Variants in THBS2 observed in about 807,000 individuals in gnomAD.
THBS2 encodes the protein thrombospondin 2.
A neutral mutation model predicts 135.2 loss-of-function variants in THBS2; 47 were observed. The ratio of observed to expected loss-of-function variants is 0.35; its 90% CI spans 0.28 to 0.44. The LOEUF (loss-of-function observed/expected upper bound fraction) is 0.44. Ranked by LOEUF, THBS2 falls within the 20% of genes least tolerant of loss-of-function variation. The probability of loss-of-function intolerance (pLI) is 1.00; values close to 1 mark genes in which losing one functional copy is unlikely to be tolerated. For synonymous variants in THBS2, 639 were observed against 633.8 expected, an observed-to-expected ratio of 1.01 and a Z score of -0.12; for missense variants, 1,288 against 1,603.1, an observed-to-expected ratio of 0.80 and a Z score of 3.36.
rs1779253039 is a variant in THBS2, at chr6:169,218,142, A to G, written c.3512-313T>C. On this transcript the variant is annotated intron_variant, in intron 21 of 21. Coordinates refer to ENST00000617924, the MANE Select transcript of THBS2 (RefSeq NM_003247.5). ...TGGGGTGGGTGGGTGGATGAGATGGATGGATGGATGGATGAAATGAGTGGG... is the reference window on the plus strand; with the variant it reads ...TGGGGTGGGTGGGTGGATGAGATGGGTGGATGGATGGATGAAATGAGTGGG... 2.1e-5 allele frequency among the ~76,000 whole-genome samples: 3 copies of G among 142,574 alleles called. No individual in the cohort carries two copies. In the South Asian group the frequency reaches 7.1e-4, roughly 34 times the overall value. The allele number at this position is 142,574 out of a possible 152,430, so 93.5% of individuals were successfully genotyped here.
rs932298552 is a variant in THBS2, at chr6:169,237,859, C to T, written c.1130-64G>A. Reference sequence around the variant, plus strand: ...CTCACAGACGTGCCACAGAACAGAACGGGCACAGGGCAGCTGGCGTGGGGC... The same window carrying T: ...CTCACAGACGTGCCACAGAACAGAATGGGCACAGGGCAGCTGGCGTGGGGC... On this transcript the variant is annotated intron_variant, in intron 7 of 21. Coordinates refer to ENST00000617924, the MANE Select transcript of THBS2 (RefSeq NM_003247.5). 30 of 1,544,562 alleles carry T rather than the reference C, an allele frequency of 1.9e-5. No individual in the cohort carries two copies. In the East Asian group the frequency reaches 2.3e-4, roughly 12 times the overall value.
At chr6:169,246,404 C>T (rs183444969) in intron 3 of THBS2, 123 bp from the exon 4 acceptor site, 16 of 784,272 alleles carry the variant, frequency 2.0e-5, no homozygotes, top group Non-Finnish European at 2.3e-5. Flanking sequence ...TTTCCTTCTA[C>T]GTAGCAGGTT....
chr6:169,235,959 C>G (rs1343311920), intron 9 of THBS2, among the ~76,000 whole-genome samples: 5 of 113,914 alleles, frequency 4.4e-5, no homozygotes, highest in Non-Finnish European at 3.8e-5. Context: ...CCCATCCACA[C>G]TCACTCCCCC....
At chr6:169,217,979 A>ATGGGTGGATGGATGAGATGGG (rs957810196) in intron 21 of THBS2, 150 bp from the exon 22 acceptor site, 14 of 553,250 alleles carry the variant, frequency 2.5e-5, no homozygotes, top group South Asian at 6.3e-5. Flanking sequence ...GATGAAATGG[A>ATGGGTGGATGGATGAGATGGG]TGGGTGGATG....
chr6:169,222,259 T>C lies in THBS2; in HGVS notation c.3211A>G (p.Thr1071Ala). ...SGVSLKVVNSTTGTGEHLRNA... is the reference protein window; with the variant it reads ...SGVSLKVVNSATGTGEHLRNA... ...CTCAGGTGCTCGCCCGTCCCCGTGG[T>C]GGAGTTCACCACCTTGAGGGACACG... Residue 1071 changes from threonine (T) to alanine (A), a missense_variant, in exon 19 of 22, where the codon ACC (threonine) becomes GCC (alanine). Coordinates refer to ENST00000617924, the MANE Select transcript of THBS2 (RefSeq NM_003247.5). 1 of 1,613,224 alleles carries C rather than the reference T, an allele frequency of 6.2e-7. No homozygotes were observed. Among genetic ancestry groups the C allele is most frequent in the African/African-American group, 1.3e-5 (1 of 75,052 alleles).
intron 21 of THBS2, 31 bp from the exon 22 acceptor site, chr6:169,217,860 A>G (rs746583144): frequency 1.2e-5 from 20 of 1,601,788 alleles, no homozygotes; most frequent in Middle Eastern, 1.7e-4. Flanking sequence ...GCAATAAACA[A>G]TTAGCATAAC....
intron 15 of THBS2, 52 bp from the exon 16 acceptor site, chr6:169,226,350 G>T: frequency 6.9e-7 from 1 of 1,443,470 alleles, no homozygotes; most frequent in South Asian, 1.2e-5. Context: ...AAGGACAGGT[G>T]AGTTTAGAAA....
In THBS2 at chr6:169,232,096, C is replaced by T. The variant is rs1474976569; in HGVS notation, c.2035G>A (p.Glu679Lys). ...TCGCCCGCGTAGCCTGTCTGGCACT[C>T]GCACTTGTACATGGGGTCGCTGAAG... Reference protein sequence around the residue: ...GHFSDPMYKCECQTGYAGDGL... With the variant: ...GHFSDPMYKCKCQTGYAGDGL... The change falls in exon 13 of 22, where the codon GAG (glutamate) becomes AAG (lysine). Residue 679 changes from glutamate (E) to lysine (K), a missense_variant. By Grantham distance (56) the Glu-to-Lys change is moderately conservative. This residue lies in a region of THBS2 where 874 missense variants were observed against 1,156.1 expected (regional missense o/e 0.76). Transcript: ENST00000617924. The T allele has an allele frequency of 5.0e-6, 8 of 1,614,130 alleles. No homozygotes were observed. The highest frequency in any genetic ancestry group is 4.5e-5 in the East Asian group (2 of 44,874).
intron 1 of THBS2, among the ~76,000 whole-genome samples, chr6:169,251,750 TC>T (rs1366807866): frequency 1.3e-5 from 2 of 152,110 alleles, no homozygotes; most frequent in African/African-American, 4.8e-5. Context: ...ATCCTCACCT[TC>T]CAGGAATAGA....
At chr6:169,242,598 A>ACCTTCC (rs1477109530) in intron 4 of THBS2, among the ~76,000 whole-genome samples, 2 of 62,984 alleles carry the variant, frequency 3.2e-5, no homozygotes, top group Non-Finnish European at 3.2e-5. Flanking sequence ...CCACCTTCCC[A>ACCTTCC]CATTCCCACC....
intron 16 of THBS2, among the ~76,000 whole-genome samples, chr6:169,225,613 C>T (rs751781158): frequency 2.6e-5 from 4 of 152,264 alleles, no homozygotes; most frequent in Non-Finnish European, 4.4e-5. Context: ...CACAGTAATT[C>T]ACTTCACTAA....
chr6:169,238,924 G>A (rs142008708), intron 7 of THBS2, among the ~76,000 whole-genome samples: 6 of 152,232 alleles, frequency 3.9e-5, no homozygotes, highest in African/African-American at 1.4e-4. Flanking sequence ...CCAACGGCAC[G>A]GCACTGGGGA....
At chr6:169,218,136 AGATG>A (rs759427329) in intron 21 of THBS2, among the ~76,000 whole-genome samples, 213 of 127,072 alleles carry the variant, frequency 1.7e-3, no homozygotes, top group Middle Eastern at 5.6e-3. Context: ...TGGGTGGATG[AGATG>A]GATGGATGGA....
intron 2 of THBS2, 60 bp downstream of exon 2, chr6:169,250,673 C>T: frequency 1.3e-6 from 2 of 1,499,430 alleles, no homozygotes; most frequent in Non-Finnish European, 1.8e-6. Flanking sequence ...CATCTCTCCC[C>T]TTGCAGCTAA....
chr6:169,229,761 A>G lies in THBS2; in HGVS notation c.2152-82T>C, dbSNP rs1018522360. On this transcript the variant is annotated intron_variant, in intron 13 of 21. Coordinates refer to ENST00000617924, the MANE Select transcript of THBS2 (RefSeq NM_003247.5). The stretch of plus-strand genomic sequence containing the variant: ...GGAATGCAGGTGAAATGAAACCAGC[A>G]TGGCGCCGAGGAAGGAAGCGTGCCC... 2.5e-6 allele frequency: 3 copies of G among 1,176,962 alleles called. No individual in the cohort carries two copies. The African/African-American group carries it at 4.5e-5, about 18-fold the overall frequency. The allele number at this position is 1,176,962 out of a possible 1,614,324, so 72.9% of individuals were successfully genotyped here.
Position 169,240,546 on chromosome 6 carries a change from T to C in THBS2, c.938A>G (p.Lys313Arg). The change falls in exon 6 of 22, where the codon AAG (lysine) becomes AGG (arginine). Residue 313 changes from lysine (K) to arginine (R), a missense_variant. Coordinates refer to ENST00000617924, the MANE Select transcript of THBS2 (RefSeq NM_003247.5). ...FLWELIGGPP[K>R]TRNMSACWQD... ...CCAGCAAGCTGACATGTTCCTTGTC[T>C]TAGGAGGGCCACCAATGAGCTCCCA... 6.2e-7 allele frequency: 1 copy of C among 1,613,920 alleles called. No individual in the cohort carries two copies. The highest frequency in any genetic ancestry group is 8.5e-7 in the Non-Finnish European group (1 of 1,180,016).
At chr6:169,219,584 A>G (rs1448757268) in intron 21 of THBS2, among the ~76,000 whole-genome samples, 3 of 152,082 alleles carry the variant, frequency 2.0e-5, no homozygotes, top group Non-Finnish European at 4.4e-5. Context: ...ACCTCAGGGG[A>G]TCCACCCGCC....
At position 169,225,430 on chromosome 6, in the gene THBS2, G is replaced by A. The variant is rs780329006; in HGVS notation, c.2539-51C>T. On this transcript the variant is annotated intron_variant, in intron 16 of 21. Coordinates refer to ENST00000617924, the MANE Select transcript of THBS2 (RefSeq NM_003247.5). ...AGCAGAGGACTGCCAGTTTGAGGAG[G>A]TGGAGAGGAACCAGCAGGACGCAAG... is the stretch of plus-strand genomic sequence containing the variant. 15 of 1,520,146 alleles carry A rather than the reference G, an allele frequency of 9.9e-6. 2 individuals are homozygous for A. The South Asian group carries it at 1.8e-4, about 18-fold the overall frequency. 94.2% of individuals were successfully genotyped at this position (1,520,146 alleles called of 1,614,324 possible).
At chr6:169,225,980 T>C (rs1348545369) in intron 16 of THBS2, among the ~76,000 whole-genome samples, 200 bp downstream of exon 16, 1 of 152,236 alleles carries the variant, frequency 6.6e-6, no homozygotes. Context: ...TGTTATCCTG[T>C]CTTTGTGGAG....
Sources: gnomAD v4.1 joint callset for allele counts (sites outside exome capture counted in the v4.1 genomes callset) on GRCh38, gnomAD v4.1.1 for gene constraint, gnomAD v4.1.1 regional missense constraint, MANE v1.5 for transcripts, NCBI Gene and HGNC (gene_info 2026-07-23, HGNC 2026-07-21) for gene names.